Variants in CCSER2 observed in about 807,000 individuals in gnomAD.
The protein encoded by CCSER2 is coiled-coil serine rich protein 2, also known as serine-rich coiled-coil domain-containing protein 2.
In CCSER2, 46 loss-of-function variants were observed where a neutral mutation model predicts 92.3. The ratio of observed to expected loss-of-function variants is 0.50; its 90% CI spans 0.39 to 0.64. The LOEUF (loss-of-function observed/expected upper bound fraction) is 0.64. Ranked by LOEUF, CCSER2 falls within the 30% of genes least tolerant of loss-of-function variation. The pLI, the probability that CCSER2 is intolerant of heterozygous loss-of-function variation, is 0.00. For missense variants in CCSER2, 1,244 were observed against 1,238.9 expected (o/e 1.00, Z -0.06); for synonymous variants, 433 against 431.4 (o/e 1.00, Z -0.04).
chr10:84,352,496 CGG>C (rs1844918744), intron 1 of CCSER2, among the ~76,000 whole-genome samples: 1 of 148,186 alleles, frequency 6.7e-6, no homozygotes, highest in Non-Finnish European at 1.5e-5. Flanking sequence ...GGAAGAATGA[CGG>C]GGGTGGGGAG....
At chr10:84,468,740 A>C (rs1362035455) in intron 7 of CCSER2, among the ~76,000 whole-genome samples, 4 of 151,144 alleles carry the variant, frequency 2.6e-5, no homozygotes, top group Admixed American at 2.6e-4. Context: ...TAACTTTCAG[A>C]TAACACCTTG....
At chr10:84,356,598 G>A (rs1325235091) in intron 1 of CCSER2, among the ~76,000 whole-genome samples, 2 of 152,122 alleles carry the variant, frequency 1.3e-5, no homozygotes, top group Non-Finnish European at 2.9e-5. Context: ...AGTAGGTGTC[G>A]TGGATATGCG....
intron 1 of CCSER2, among the ~76,000 whole-genome samples, chr10:84,347,700 C>T (rs959269532): frequency 1.6e-4 from 24 of 149,668 alleles, no homozygotes; most frequent in Admixed American, 1.3e-3. Context: ...ACTTCTCAGA[C>T]GGGGCGGCTG....
chr10:84,461,870 A>G (rs998313375), intron 6 of CCSER2, among the ~76,000 whole-genome samples: 28 of 151,990 alleles, frequency 1.8e-4, no homozygotes, highest in Admixed American at 1.4e-3. Flanking sequence ...TATATATTAG[A>G]TATTTGAACG....
At position 84,470,370 on chromosome 10, in the gene CCSER2, A is replaced by G; in HGVS notation, c.2149-2A>G. The G allele has an allele frequency of 7.7e-7, 1 of 1,299,204 alleles. No individual in the cohort carries two copies. The highest frequency in any genetic ancestry group is 1.0e-6 in the Non-Finnish European group (1 of 970,174). 80.5% of individuals were successfully genotyped at this position (1,299,204 alleles called of 1,614,324 possible). ...TCATCTAAAGATTTTTTAATATTTC[A>G]GAATGAAGATTTATTAAATGAAATA... On this transcript the variant is annotated splice_acceptor_variant, in intron 7 of 9. Coordinates refer to ENST00000372088, the MANE Select transcript of CCSER2 (RefSeq NM_001284240.2). LOFTEE classifies it high-confidence loss of function.
At chr10:84,498,095 T>G (rs1848544420) in intron 9 of CCSER2, among the ~76,000 whole-genome samples, 1 of 152,188 alleles carries the variant, frequency 6.6e-6, no homozygotes, top group African/African-American at 2.4e-5. Flanking sequence ...TAAACATACC[T>G]CTTTGGTGAA....
At chr10:84,452,606 G>A (rs1164410865) in intron 6 of CCSER2, among the ~76,000 whole-genome samples, 1 of 152,074 alleles carries the variant, frequency 6.6e-6, no homozygotes, top group Non-Finnish European at 1.5e-5. Context: ...GGTTAACTGT[G>A]AATTACTTAT....
intron 1 of CCSER2, among the ~76,000 whole-genome samples, chr10:84,343,852 G>T (rs1009256341): frequency 2.0e-5 from 3 of 152,164 alleles, no homozygotes; most frequent in Non-Finnish European, 2.9e-5. Context: ...CAGTAAAAGA[G>T]CAGTTAACTA....
intron 6 of CCSER2, among the ~76,000 whole-genome samples, chr10:84,439,981 G>A (rs1844425472): frequency 6.6e-6 from 1 of 152,134 alleles, no homozygotes; most frequent in Non-Finnish European, 1.5e-5. Flanking sequence ...TCCACTGTGA[G>A]CCAGTCATTG....
intron 3 of CCSER2, among the ~76,000 whole-genome samples, chr10:84,398,493 T>G (rs1196800689): frequency 6.6e-6 from 1 of 152,230 alleles, no homozygotes; most frequent in Non-Finnish European, 1.5e-5. Context: ...AAGCCATAAT[T>G]TTAGCATGGA....
In CCSER2 at chr10:84,514,015, A is replaced by G. The variant is rs1849505766; in HGVS notation, c.2892A>G (p.Thr964=). Residue 964 remains threonine, a synonymous_variant, in exon 10 of 10, where the codon ACA becomes ACG. Coordinates refer to ENST00000372088, the MANE Select transcript of CCSER2 (RefSeq NM_001284240.2). ...GTAATTCAGCAAAACTTCAGCCAAC[A>G]TCTAGTCAAACAAATCTTGCAAATA... ...TTCNSAKLQP[T]SSQTNLANNQ... is the part of the protein sequence containing the mutation. 4 of 1,536,608 alleles carry G rather than the reference A, an allele frequency of 2.6e-6. No homozygotes were observed.
intron 6 of CCSER2, among the ~76,000 whole-genome samples, chr10:84,445,152 GTCTC>G (rs558382941): frequency 6.6e-5 from 10 of 152,066 alleles, no homozygotes; most frequent in African/African-American, 2.2e-4. Flanking sequence ...GTGGTATCTT[GTCTC>G]TCTCTTTTTT....
chr10:84,491,216 A>G (rs953812327), intron 9 of CCSER2, among the ~76,000 whole-genome samples: 1 of 152,168 alleles, frequency 6.6e-6, no homozygotes, highest in Non-Finnish European at 1.5e-5. Context: ...CAGTCTGTCC[A>G]TTCTCAGATC....
At chr10:84,487,313 G>C (rs967797611) in intron 9 of CCSER2, among the ~76,000 whole-genome samples, 5 of 152,146 alleles carry the variant, frequency 3.3e-5, no homozygotes, top group African/African-American at 1.2e-4. Flanking sequence ...GGATGGCATT[G>C]AATCTATAAA....
rs1417597094 is a variant in CCSER2, at chr10:84,513,992, A to G, written c.2869A>G (p.Asn957Asp). The change falls in exon 10 of 10, where the codon AAT becomes GAT. Residue 957 changes from asparagine to aspartate, a missense_variant. Coordinates refer to ENST00000372088, the MANE Select transcript of CCSER2 (RefSeq NM_001284240.2). ...CKKSPIITTC[N>D]SAKLQPTSSQ... ...AAAGTCACCAATAATCACAACATGT[A>G]ATTCAGCAAAACTTCAGCCAACATC... The G allele has an allele frequency of 1.3e-6, 2 of 1,536,714 alleles. No homozygotes were observed. Among genetic ancestry groups the G allele is most frequent in the Non-Finnish European group, 8.7e-7 (1 of 1,147,034 alleles).
chr10:84,353,739 C>G (rs886294927), intron 1 of CCSER2, among the ~76,000 whole-genome samples: 2 of 152,134 alleles, frequency 1.3e-5, no homozygotes, highest in Non-Finnish European at 2.9e-5. Context: ...TTCTTTTCCC[C>G]TTTAGCATTT....
In CCSER2 at chr10:84,425,730, G is replaced by A; in HGVS notation, c.1706-1G>A. On this transcript the variant is annotated splice_acceptor_variant, in intron 4 of 9. Coordinates refer to ENST00000372088, the MANE Select transcript of CCSER2 (RefSeq NM_001284240.2). LOFTEE classifies it high-confidence loss of function. ...AGTCTTTTGCTTTTGAATCTGTCTAGTGGAGTGTGACAATATGAACCGCTT... is the reference window on the plus strand; with the variant it reads ...AGTCTTTTGCTTTTGAATCTGTCTAATGGAGTGTGACAATATGAACCGCTT... 6.2e-7 allele frequency: 1 copy of A among 1,607,642 alleles called. No homozygotes were observed. Among genetic ancestry groups the A allele is most frequent in the Non-Finnish European group, 8.5e-7 (1 of 1,176,328 alleles).
rs1169508935 is a variant in CCSER2, at chr10:84,513,996, C to T, written c.2873C>T (p.Ser958Leu). The T allele has an allele frequency of 1.2e-5, 18 of 1,536,658 alleles. No homozygotes were observed. The highest frequency in any genetic ancestry group is 1.5e-5 in the Non-Finnish European group (17 of 1,147,030). The change falls in exon 10 of 10, where the codon TCA (serine) becomes TTA (leucine). Residue 958 changes from serine to leucine, a missense_variant. Coordinates refer to ENST00000372088, the MANE Select transcript of CCSER2 (RefSeq NM_001284240.2). ...TCACCAATAATCACAACATGTAATT[C>T]AGCAAAACTTCAGCCAACATCTAGT... ...KKSPIITTCN[S>L]AKLQPTSSQT...
intron 3 of CCSER2, among the ~76,000 whole-genome samples, chr10:84,388,336 T>G (rs1841339365): frequency 6.6e-6 from 1 of 152,236 alleles, no homozygotes; most frequent in Non-Finnish European, 1.5e-5. Context: ...ATGGCTGGAC[T>G]TTGCCTTGTT....
Sources: gnomAD v4.1 joint callset for allele counts (sites outside exome capture counted in the v4.1 genomes callset) on GRCh38, gnomAD v4.1.1 for gene constraint, MANE v1.5 for transcripts, NCBI Gene and HGNC (gene_info 2026-07-23, HGNC 2026-07-21) for gene names.